Variants in CELSR1 observed in about 807,000 individuals in gnomAD.
CELSR1 encodes adhesion G protein-coupled receptor C1.
Under a neutral mutation model 249.1 loss-of-function variants are expected in CELSR1, and 110 were observed. That is an observed-to-expected ratio of 0.44 (90% CI 0.38 to 0.52). CELSR1 has a LOEUF of 0.52. CELSR1 is among the 20% of genes least tolerant of loss of function. The probability of loss-of-function intolerance (pLI) is 0.00; values close to 1 mark genes in which losing one functional copy is unlikely to be tolerated. For missense variants in CELSR1, 4,109 were observed against 4,296.4 expected (o/e 0.96, Z 1.22); for synonymous variants, 2,113 against 1,900.0 (o/e 1.11, Z -2.92).
At chr22:46,519,705 T>G (rs2080665255) in intron 1 of CELSR1, among the ~76,000 whole-genome samples, 1 of 152,162 alleles carries the variant, frequency 6.6e-6, no homozygotes, top group African/African-American at 2.4e-5. Context: ...CAGGAAACAC[T>G]GGACCCTGCT....
intron 2 of CELSR1, among the ~76,000 whole-genome samples, chr22:46,442,409 T>C (rs950723347): frequency 7.2e-5 from 11 of 152,174 alleles, no homozygotes; most frequent in African/African-American, 2.7e-4. Flanking sequence ...CCATCCCAGC[T>C]CTGCAGCACG....
chr22:46,483,505 C>T (rs2080287060), intron 1 of CELSR1, among the ~76,000 whole-genome samples: 1 of 151,684 alleles, frequency 6.6e-6, no homozygotes, highest in South Asian at 2.1e-4. Context: ...CACTCTGCCA[C>T]CCACTTCCTC....
chr22:46,397,894 A>G (rs1372804197), intron 11 of CELSR1, 46 bp from the exon 12 acceptor site: 3 of 1,440,474 alleles, frequency 2.1e-6, no homozygotes, highest in Non-Finnish European at 2.8e-6. Context: ...CCGGAAAGGT[A>G]TGTAGGGGTT....
rs571081209 is a variant in CELSR1, at chr22:46,476,470, C to T, written c.3545-12125G>A. ...AATTAGCCAGGCGTGGTGGTGCACA[C>T]CTGTGGTCCCAGCTACTCAGGAGGC... On this transcript the variant is annotated intron_variant, in intron 1 of 34. Transcript: ENST00000674500. Among the ~76,000 whole-genome samples, 7 of 151,988 alleles carry T rather than the reference C, an allele frequency of 4.6e-5. No individual in the cohort carries two copies. The East Asian group carries it at 1.4e-3, about 29-fold the overall frequency.
At position 46,500,001 on chromosome 22, in the gene CELSR1, CCT is replaced by C. The variant is rs1176132360; in HGVS notation, c.3544+33624_3544+33625del. ...CCTGAATGTCCATTTCCACCCCATGCCTGGCTCAAGGCTCAGCGGCGACCTCT... is the reference window on the plus strand; with the variant it reads ...CCTGAATGTCCATTTCCACCCCATGCGGCTCAAGGCTCAGCGGCGACCTCT... On this transcript the variant is annotated intron_variant, in intron 1 of 34. Transcript: ENST00000674500. The surrounding 1 kb of genome is among the most constrained non-coding windows in gnomAD (Gnocchi z 4.9). Among the ~76,000 whole-genome samples the C allele has an allele frequency of 2.6e-5, 4 of 152,158 alleles. No homozygotes were observed. The highest frequency in any genetic ancestry group is 9.7e-5 in the African/African-American group (4 of 41,442).
Position 46,381,749 on chromosome 22 carries a change from A to G in CELSR1, c.7088+97T>C. Reference sequence around the variant, plus strand: ...AGGGTCACGGTGAAATGTCACTGTGAAGACCTGTGCTTGATCAGGATCAGG... The same window carrying G: ...AGGGTCACGGTGAAATGTCACTGTGGAGACCTGTGCTTGATCAGGATCAGG... On this transcript the variant is annotated intron_variant, in intron 21 of 34. Coordinates refer to ENST00000674500, the MANE Select transcript of CELSR1 (RefSeq NM_001378328.1). This position sits in a 1 kb window ranked among gnomAD's most constrained non-coding sequence, Gnocchi z 6.0. 2 of 1,125,144 alleles carry G rather than the reference A, an allele frequency of 1.8e-6. No homozygotes were observed. Among genetic ancestry groups the G allele is most frequent in the Non-Finnish European group, 2.5e-6 (2 of 799,758 alleles). The allele number at this position is 1,125,144 out of a possible 1,614,324, so 69.7% of individuals were successfully genotyped here.
In CELSR1 at chr22:46,364,154, C is replaced by T; in HGVS notation, c.8877G>A (p.Gln2959=). The T allele has an allele frequency of 6.2e-7, 1 of 1,612,388 alleles. No homozygotes were observed. Among genetic ancestry groups the T allele is most frequent in the Non-Finnish European group, 8.5e-7 (1 of 1,179,784 alleles). Residue 2959 remains glutamine, a synonymous_variant, in exon 34 of 35, where the codon CAG becomes CAA. Transcript: ENST00000674500. The part of the protein sequence containing the change: ...RLREKLADCE[Q]SPTSSRTSSL... The stretch of plus-strand genomic sequence containing the variant: ...AAGACGTGCGCGAGGATGTGGGGCT[C>T]TGCTCACAGTCGGCCAGCTTCTCCC...
chr22:46,477,883 T>G (rs1022862992), intron 1 of CELSR1, among the ~76,000 whole-genome samples: 1 of 152,118 alleles, frequency 6.6e-6, no homozygotes, highest in Non-Finnish European at 1.5e-5. Context: ...ATGGCAGCAC[T>G]GTGGACTCTC....
At chr22:46,368,032 G>A (rs1882371640) in intron 27 of CELSR1, among the ~76,000 whole-genome samples, 177 bp from the exon 28 acceptor site, 1 of 152,182 alleles carries the variant, frequency 6.6e-6, no homozygotes, top group African/African-American at 2.4e-5. Context: ...GCCAGGTACG[G>A]ACTCATCCGG....
intron 1 of CELSR1, chr22:46,530,540 A>T (rs2080781296): frequency 1.3e-5 from 2 of 152,176 alleles, no homozygotes; most frequent in South Asian, 4.1e-4. Context: ...AGCTCATAAT[A>T]AAAAGTTCCT....
chr22:46,512,369 G>C lies in CELSR1; in HGVS notation c.3544+21258C>G, dbSNP rs555013591. Among the ~76,000 whole-genome samples, 2 of 152,176 alleles carry C rather than the reference G, an allele frequency of 1.3e-5. No individual in the cohort carries two copies. The highest frequency in any genetic ancestry group is 2.9e-5 in the Non-Finnish European group (2 of 68,030). Reference sequence around the variant, plus strand: ...GCGGATCACATGAGGTCAGGAGATCGAGACCATCCTGGCCAATATGGTGAA... The same window carrying C: ...GCGGATCACATGAGGTCAGGAGATCCAGACCATCCTGGCCAATATGGTGAA... On this transcript the variant is annotated intron_variant, in intron 1 of 34. Transcript: ENST00000674500. This position sits in a 1 kb window ranked among gnomAD's most constrained non-coding sequence, Gnocchi z 5.2.
At position 46,518,602 on chromosome 22, in the gene CELSR1, C is replaced by G. The variant is rs1314570427; in HGVS notation, c.3544+15025G>C. Among the ~76,000 whole-genome samples, 1 of 152,238 alleles carries G rather than the reference C, an allele frequency of 6.6e-6. No homozygotes were observed. The highest frequency in any genetic ancestry group is 1.5e-5 in the Non-Finnish European group (1 of 68,052). On this transcript the variant is annotated intron_variant, in intron 1 of 34. Coordinates refer to ENST00000674500, the MANE Select transcript of CELSR1 (RefSeq NM_001378328.1). The surrounding 1 kb of genome is among the most constrained non-coding windows in gnomAD (Gnocchi z 5.2). ...ATGTGACCTAACTTGGAAATAAAGG[C>G]TGCAGATGAAGATATAAATTAAGAT...
At position 46,364,140 on chromosome 22, in the gene CELSR1, G is replaced by A. The variant is rs6008777; in HGVS notation, c.8891C>T (p.Ser2964Leu). ...LADCEQSPTS[S>L]RTSSLGSGGP... is the part of the protein sequence containing the mutation. ...GCCAGAGCCCAGGGAAGACGTGCGC[G>A]AGGATGTGGGGCTCTGCTCACAGTC... Residue 2964 changes from serine (S) to leucine (L), a missense_variant, in exon 34 of 35, where the codon TCG (serine) becomes TTG (leucine). By Grantham distance (145) the Ser-to-Leu change is moderately radical (BLOSUM62 -2). Coordinates refer to ENST00000674500, the MANE Select transcript of CELSR1 (RefSeq NM_001378328.1). 4.5e-3 allele frequency: 7,161 copies of A among 1,607,994 alleles called. 280 individuals are homozygous for A. The African/African-American group carries it at 0.089, about 20-fold the overall frequency.
rs1228764848 is a variant in CELSR1 at position 46,445,587 on chromosome 22, G to T, written c.4184-6176C>A. ...TAAGGACCCAAACTCATTACATCTG[G>T]AAAGAGCCCATTTCCAACTGAGGTC... On this transcript the variant is annotated intron_variant, in intron 2 of 34. Coordinates refer to ENST00000674500, the MANE Select transcript of CELSR1 (RefSeq NM_001378328.1). This position sits in a 1 kb window ranked among gnomAD's most constrained non-coding sequence, Gnocchi z 4.4. 6.6e-6 allele frequency among the ~76,000 whole-genome samples: 1 copy of T among 152,188 alleles called. No individual in the cohort carries two copies. Among genetic ancestry groups the T allele is most frequent in the Admixed American group, 6.5e-5 (1 of 15,278 alleles).
rs1224937821 is a variant in CELSR1 at position 46,362,270 on chromosome 22, G to A, written c.*953C>T. The A allele has an allele frequency of 6.6e-6, 1 of 152,314 alleles. No homozygotes were observed. Among genetic ancestry groups the A allele is most frequent in the Non-Finnish European group, 1.5e-5 (1 of 68,098 alleles). The allele number at this position is 152,314 out of a possible 1,614,324, so 9.4% of individuals were successfully genotyped here. On this transcript the variant is annotated 3_prime_UTR_variant, in exon 35 of 35. Transcript: ENST00000674500. ...GGGGGTGGTGGTCACAGAATGACCAGGTGAAAAATGACAGCCGTGTGGCAA... is the reference window on the plus strand; with the variant it reads ...GGGGGTGGTGGTCACAGAATGACCAAGTGAAAAATGACAGCCGTGTGGCAA...
Position 46,434,932 on chromosome 22 carries a change from G to C in CELSR1, c.4522+1242C>G, listed in dbSNP as rs548092545. ...GAATCGCTTGAACCTGGGAGGTGGA[G>C]GTCGCAGTGAGCCAATATTGCACCA... On this transcript the variant is annotated intron_variant, in intron 4 of 34. Transcript: ENST00000674500. The surrounding 1 kb of genome is among the most constrained non-coding windows in gnomAD (Gnocchi z 4.9). Among the ~76,000 whole-genome samples the C allele has an allele frequency of 7.9e-5, 12 of 152,134 alleles. No individual in the cohort carries two copies. The highest frequency in any genetic ancestry group is 2.9e-4 in the African/African-American group (12 of 41,508).
chr22:46,509,694 G>A (rs996110109), intron 1 of CELSR1, among the ~76,000 whole-genome samples: 4 of 152,210 alleles, frequency 2.6e-5, no homozygotes, highest in Admixed American at 2.6e-4. Flanking sequence ...TGAGTAGTGA[G>A]TACGGGAGTG....
chr22:46,501,807 G>A (rs929749705), intron 1 of CELSR1, among the ~76,000 whole-genome samples: 5 of 152,166 alleles, frequency 3.3e-5, no homozygotes, highest in Non-Finnish European at 5.9e-5. Flanking sequence ...AAGAATTCCC[G>A]AAGAGTTCCC....
intron 1 of CELSR1, among the ~76,000 whole-genome samples, chr22:46,522,044 G>GGTATGAAGTA (rs1205588482): frequency 6.6e-6 from 1 of 152,056 alleles, no homozygotes; most frequent in Non-Finnish European, 1.5e-5. Flanking sequence ...CATCCTAATG[G>GGTATGAAGTA]GTATGAAGTA....
Sources: allele counts gnomAD v4.1 joint callset (sites outside exome capture counted in the v4.1 genomes callset), GRCh38; gene constraint gnomAD v4.1.1; non-coding constraint Gnocchi (gnomAD v3.1); transcripts MANE v1.5; gene names NCBI Gene and HGNC (gene_info 2026-07-23, HGNC 2026-07-21).